The following SCN1A variants were observed in gnomAD, a reference collection of about 807,000 sequenced individuals.
The protein encoded by SCN1A is sodium voltage-gated channel alpha subunit 1, also known as sodium channel protein type 1 subunit alpha.
In SCN1A, 13 loss-of-function variants were observed where a neutral mutation model predicts 193.7. The observed-to-expected ratio is 0.07, with a 90% CI of 0.04 to 0.11. The LOEUF (loss-of-function observed/expected upper bound fraction) is 0.11, where lower values mean the gene tolerates loss of function less well. Ranked by LOEUF, SCN1A falls within the 10% of genes least tolerant of loss-of-function variation. SCN1A has a pLI of 1.00. For missense variants in SCN1A, 1,432 were observed against 2,451.1 expected (o/e 0.58, Z 8.78); for synonymous variants, 781 against 843.6 (o/e 0.93, Z 1.29).
intron 2 of SCN1A, among the ~76,000 whole-genome samples, chr2:166,087,165 G>GGAA (rs748479189): frequency 8.0e-6 from 1 of 124,680 alleles, no homozygotes; most frequent in South Asian, 2.5e-4. Context: ...AGAACTGGTT[G>GGAA]AAAAAAAAAA....
At chr2:166,012,338 C>A in intron 21 of SCN1A, 56 bp from the exon 22 acceptor site, 1 of 1,393,100 alleles carries the variant, frequency 7.2e-7, no homozygotes, top group Admixed American at 1.9e-5. Flanking sequence ...ACTCCATAAG[C>A]TATTTAAAAA....
At chr2:166,086,898 G>A (rs568821672) in intron 2 of SCN1A, among the ~76,000 whole-genome samples, 1 of 152,172 alleles carries the variant, frequency 6.6e-6, no homozygotes, top group Admixed American at 6.5e-5. Flanking sequence ...TGTATAGAGT[G>A]GACACTACCA....
intron 19 of SCN1A, among the ~76,000 whole-genome samples, chr2:166,022,211 A>G (rs1694167181): frequency 6.6e-6 from 1 of 152,152 alleles, no homozygotes; most frequent in African/African-American, 2.4e-5. Context: ...TATAGGGGAA[A>G]TTATGTGGAA....
chr2:166,061,017 T>A (rs1039418953), intron 4 of SCN1A: 13 of 152,080 alleles, frequency 8.5e-5, no homozygotes, highest in African/African-American at 3.1e-4. Flanking sequence ...TACAAAGAGA[T>A]AATGAGAAAG....
At chr2:166,088,998 C>T (rs763381022) in intron 2 of SCN1A, among the ~76,000 whole-genome samples, 23 of 152,296 alleles carry the variant, frequency 1.5e-4, no homozygotes, top group Non-Finnish European at 2.9e-4. Flanking sequence ...TTTCTTAAAG[C>T]ATAAGCATAC....
At chr2:166,003,186 A>G (rs901722156) in intron 23 of SCN1A, among the ~76,000 whole-genome samples, 4 of 151,510 alleles carry the variant, frequency 2.6e-5, no homozygotes, top group Non-Finnish European at 5.9e-5. Flanking sequence ...TTTGACCAAT[A>G]TATTTTTAAA....
At chr2:166,106,882 G>T (rs6752526) in intron 2 of SCN1A, among the ~76,000 whole-genome samples, 1 of 152,066 alleles carries the variant, frequency 6.6e-6, no homozygotes, top group Non-Finnish European at 1.5e-5. Context: ...TTATGCTCAC[G>T]GTCTAAGAAA....
chr2:166,083,070 C>A (rs1259825726), intron 2 of SCN1A, among the ~76,000 whole-genome samples: 3 of 152,074 alleles, frequency 2.0e-5, no homozygotes, highest in Admixed American at 6.6e-5. Flanking sequence ...GTTATTCTTA[C>A]TGTTGTGATC....
Position 165,994,129 on chromosome 2 carries a change from C to CT in SCN1A, c.4852+16dup, listed in dbSNP as rs765037430. On this transcript the variant is annotated intron_variant, in intron 28 of 28. Coordinates refer to ENST00000674923, the MANE Select transcript of SCN1A (RefSeq NM_001165963.4). ...ACTTTTATTTAACTGAATTTAAGAA[C>CT]TTTAAATATTTCTTACCTACAATGG... is the stretch of plus-strand genomic sequence containing the variant. 6.3e-6 allele frequency: 10 copies of CT among 1,576,252 alleles called. No individual in the cohort carries two copies. The highest frequency in any genetic ancestry group is 8.7e-6 in the Non-Finnish European group (10 of 1,150,776).
intron 14 of SCN1A, among the ~76,000 whole-genome samples, chr2:166,043,232 T>C (rs1041701025): frequency 6.6e-6 from 1 of 152,234 alleles, no homozygotes; most frequent in Non-Finnish European, 1.5e-5. Flanking sequence ...AAGGTAACAA[T>C]GAAGCTATCT....
intron 2 of SCN1A, among the ~76,000 whole-genome samples, chr2:166,113,568 A>ATAAAG (rs67861732): frequency 7.9e-4 from 1 of 1,268 alleles, no homozygotes; most frequent in Non-Finnish European, 0.014. Context: ...AATCATAAAT[A>ATAAAG]TAAAATAACA....
At chr2:166,114,810 A>C (rs1044189254) in intron 2 of SCN1A, among the ~76,000 whole-genome samples, 2 of 152,206 alleles carry the variant, frequency 1.3e-5, no homozygotes, top group Non-Finnish European at 2.9e-5. Flanking sequence ...AAGATGTAAT[A>C]TGTGCTACAA....
chr2:166,090,650 T>C (rs1218550243), intron 2 of SCN1A, among the ~76,000 whole-genome samples: 1 of 152,154 alleles, frequency 6.6e-6, no homozygotes, highest in Non-Finnish European at 1.5e-5. Context: ...TCTCATAAAA[T>C]GTAACTACTA....
At chr2:166,080,035 TA>T (rs1258770213) in intron 2 of SCN1A, among the ~76,000 whole-genome samples, 1 of 151,648 alleles carries the variant, frequency 6.6e-6, no homozygotes, top group Non-Finnish European at 1.5e-5. Context: ...TCAATATTAA[TA>T]TTTTTTAGTA....
intron 2 of SCN1A, among the ~76,000 whole-genome samples, chr2:166,095,083 T>C (rs1687231163): frequency 6.6e-6 from 1 of 152,198 alleles, no homozygotes; most frequent in Non-Finnish European, 1.5e-5. Flanking sequence ...AGCTCCCCAT[T>C]GCTACAGTTT....
chr2:166,116,738 T>C (rs1350947910), intron 2 of SCN1A, among the ~76,000 whole-genome samples: 1 of 152,158 alleles, frequency 6.6e-6, no homozygotes, highest in African/African-American at 2.4e-5. Context: ...AATTCTTCTT[T>C]ATAATGAGTT....
At chr2:166,014,395 T>C (rs890885500) in intron 20 of SCN1A, among the ~76,000 whole-genome samples, 5 of 151,602 alleles carry the variant, frequency 3.3e-5, no homozygotes, top group African/African-American at 1.2e-4. Context: ...ATTAATTTAG[T>C]TCACTAAAAG....
At chr2:166,069,156 A>G (rs139604189) in intron 4 of SCN1A, among the ~76,000 whole-genome samples, 14 of 152,344 alleles carry the variant, frequency 9.2e-5, no homozygotes, top group African/African-American at 3.1e-4. Flanking sequence ...AGGGAAACCA[A>G]TCTGGAATCA....
At chr2:166,118,180 T>C (rs1690091520) in intron 2 of SCN1A, among the ~76,000 whole-genome samples, 2 of 149,230 alleles carry the variant, frequency 1.3e-5, no homozygotes, top group Admixed American at 1.4e-4. Flanking sequence ...GAGAGTAAGA[T>C]AAAGTTTGGT....
Sources: gnomAD v4.1 joint callset for allele counts (sites outside exome capture counted in the v4.1 genomes callset) on GRCh38, gnomAD v4.1.1 for gene constraint, MANE v1.5 for transcripts, NCBI Gene and HGNC (gene_info 2026-07-23, HGNC 2026-07-21) for gene names.